ADCY8: variants seen among roughly 807,000 people sequenced by gnomAD.
ADCY8 encodes the protein adenylate cyclase 8.
ADCY8 carries 51 observed loss-of-function variants against 119.7 expected under a neutral mutation model. The observed-to-expected ratio is 0.43, with a 90% CI of 0.34 to 0.54. The LOEUF (loss-of-function observed/expected upper bound fraction) is 0.54. Ranked by LOEUF, ADCY8 falls within the 20% of genes least tolerant of loss-of-function variation. The probability of loss-of-function intolerance (pLI) is 0.03; values close to 1 mark genes in which losing one functional copy is unlikely to be tolerated. For missense variants in ADCY8, 1,383 were observed against 1,598.8 expected (o/e 0.87, Z 2.30); for synonymous variants, 665 against 651.0 (o/e 1.02, Z -0.33).
intron 1 of ADCY8, among the ~76,000 whole-genome samples, chr8:131,030,506 G>A (rs549633726): frequency 3.7e-4 from 57 of 152,290 alleles, no homozygotes; most frequent in African/African-American, 1.3e-3. Flanking sequence ...AAGAGTCCAA[G>A]TCTTGCATTT....
At position 130,943,440 on chromosome 8, in the gene ADCY8, C is replaced by T. The variant is rs2130640144; in HGVS notation, c.1264G>A (p.Gly422Arg). 7.7e-7 allele frequency: 1 copy of T among 1,304,598 alleles called. No individual in the cohort carries two copies. The highest frequency in any genetic ancestry group is 1.0e-6 in the Non-Finnish European group (1 of 972,760). 80.8% of individuals were successfully genotyped at this position (1,304,598 alleles called of 1,614,324 possible). Residue 422 changes from glycine (G) to arginine (R), a missense_variant, in exon 4 of 18, where the codon GGA becomes AGA. This residue lies in a region of ADCY8 where 928 missense variants were observed against 1,163.5 expected (regional missense o/e 0.80). Transcript: ENST00000286355. Reference protein sequence around the residue: ...NVSILFADVKGFTNLSTTLSA... With the variant: ...NVSILFADVKRFTNLSTTLSA... The stretch of plus-strand genomic sequence containing the variant: ...AAGGTCGTGGAGAGGTTGGTAAATC[C>T]TTTAACATCTGCAAAAAGAATACTA...
intron 12 of ADCY8, among the ~76,000 whole-genome samples, chr8:130,828,339 C>A (rs1266287283): frequency 6.6e-6 from 1 of 152,016 alleles, no homozygotes; most frequent in South Asian, 2.1e-4. Flanking sequence ...GGGTCCCCCC[C>A]ACCCACAGTG....
intron 7 of ADCY8, among the ~76,000 whole-genome samples, chr8:130,886,757 G>A (rs926904425): frequency 6.6e-6 from 1 of 152,030 alleles, no homozygotes; most frequent in Non-Finnish European, 1.5e-5. Flanking sequence ...ATCTCTCACT[G>A]TCTGATATTT....
In ADCY8 at chr8:130,927,108, A is replaced by G. The variant is rs143846011; in HGVS notation, c.1481+9965T>C. ...CAGATTTCATTTCCTTTGCATAACT[A>G]CTCAGTAGTGGAATTATTAGACATA... On this transcript the variant is annotated intron_variant, in intron 5 of 17. Transcript: ENST00000286355. 6.4e-3 allele frequency among the ~76,000 whole-genome samples: 970 copies of G among 152,178 alleles called. 9 individuals are homozygous for G. Among genetic ancestry groups the G allele is most frequent in the African/African-American group, 0.022 (931 of 41,496 alleles).
At chr8:130,843,639 T>C (rs1260254838) in intron 11 of ADCY8, among the ~76,000 whole-genome samples, 3 of 152,216 alleles carry the variant, frequency 2.0e-5, no homozygotes, top group Non-Finnish European at 4.4e-5. Context: ...TTGTTTTTAG[T>C]TATTTCAGAT....
At position 130,814,114 on chromosome 8, in the gene ADCY8, G is replaced by A. The variant is rs1250085743; in HGVS notation, c.2868C>T (p.Pro956=). ...HNENMLRNIL[P]SHVARHFLEK... ...CTAGGAAATGGCGGGCCACATGGCT[G>A]GGTAAGATATTCCGGAGCATGTTCT... The change falls in exon 14 of 18, where the codon CCC becomes CCT. Residue 956 remains proline, a synonymous_variant. Coordinates refer to ENST00000286355, the MANE Select transcript of ADCY8 (RefSeq NM_001115.3). The A allele has an allele frequency of 1.2e-6, 2 of 1,614,134 alleles. No individual in the cohort carries two copies. The highest frequency in any genetic ancestry group is 1.3e-5 in the African/African-American group (1 of 75,030).
chr8:130,900,975 AT>A (rs1377079001), intron 7 of ADCY8, among the ~76,000 whole-genome samples: 1 of 152,178 alleles, frequency 6.6e-6, no homozygotes, highest in African/African-American at 2.4e-5. Flanking sequence ...AGTACTGCTT[AT>A]TTTAGTTGGA....
intron 15 of ADCY8, among the ~76,000 whole-genome samples, chr8:130,799,013 T>C (rs1265674265): frequency 6.6e-6 from 1 of 151,978 alleles, no homozygotes; most frequent in African/African-American, 2.4e-5. Context: ...GAGGATATGA[T>C]GCTAAGTGAA....
At chr8:131,021,930 G>A (rs1823682300) in intron 1 of ADCY8, among the ~76,000 whole-genome samples, 1 of 152,092 alleles carries the variant, frequency 6.6e-6, no homozygotes, top group Non-Finnish European at 1.5e-5. Flanking sequence ...TCAAACATAT[G>A]CAAAAACAAT....
chr8:130,807,173 C>A (rs2664387), intron 14 of ADCY8, among the ~76,000 whole-genome samples: 14,209 of 152,192 alleles, frequency 0.093, 851 homozygotes, highest in South Asian at 0.24. Flanking sequence ...GGACTGACGT[C>A]CTCTCTGCCT....
intron 15 of ADCY8, among the ~76,000 whole-genome samples, chr8:130,799,964 T>C (rs1313834375): frequency 6.6e-6 from 1 of 152,220 alleles, no homozygotes; most frequent in Non-Finnish European, 1.5e-5. Context: ...ACTAGACTCA[T>C]GGAGCCTGGA....
chr8:130,817,479 T>C lies in ADCY8; in HGVS notation c.2755-3252A>G, dbSNP rs1380529093. Among the ~76,000 whole-genome samples, 7 of 152,220 alleles carry C rather than the reference T, an allele frequency of 4.6e-5. No individual in the cohort carries two copies. The East Asian group carries it at 1.3e-3, about 29-fold the overall frequency. ...TTTAGGTACTTTTAATTATGTCTTGTTTTAAGTAAATGACTTTATTGGAAG... is the reference window on the plus strand; with the variant it reads ...TTTAGGTACTTTTAATTATGTCTTGCTTTAAGTAAATGACTTTATTGGAAG... On this transcript the variant is annotated intron_variant, in intron 13 of 17. Coordinates refer to ENST00000286355, the MANE Select transcript of ADCY8 (RefSeq NM_001115.3).
At chr8:130,871,301 C>T (rs1159184453) in intron 8 of ADCY8, among the ~76,000 whole-genome samples, 2 of 152,154 alleles carry the variant, frequency 1.3e-5, no homozygotes, top group Non-Finnish European at 2.9e-5. Context: ...CCTCACCTGG[C>T]CCCACTTATC....
chr8:130,891,254 T>G (rs1819176239), intron 7 of ADCY8, among the ~76,000 whole-genome samples: 1 of 152,116 alleles, frequency 6.6e-6, no homozygotes, highest in Non-Finnish European at 1.5e-5. Flanking sequence ...CTTTCAGTTC[T>G]TATGAACTTC....
At chr8:130,937,042 C>A in intron 5 of ADCY8, 31 bp downstream of exon 5, 2 of 1,592,998 alleles carry the variant, frequency 1.3e-6, no homozygotes, top group Non-Finnish European at 1.7e-6. Context: ...ACATTGAAGA[C>A]CCAGGTAACA....
chr8:130,813,647 T>A (rs1816240941), intron 14 of ADCY8, among the ~76,000 whole-genome samples: 1 of 152,228 alleles, frequency 6.6e-6, no homozygotes, highest in African/African-American at 2.4e-5. Flanking sequence ...AGTGGACCCT[T>A]GGGGCTGCTT....
chr8:130,881,477 G>T (rs752602243), intron 8 of ADCY8, among the ~76,000 whole-genome samples: 1 of 152,106 alleles, frequency 6.6e-6, no homozygotes, highest in African/African-American at 2.4e-5. Flanking sequence ...TTGTTCAAAC[G>T]GAATAAAGCC....
chr8:130,820,185 T>A (rs1816464454), intron 13 of ADCY8, among the ~76,000 whole-genome samples: 1 of 152,194 alleles, frequency 6.6e-6, no homozygotes, highest in Non-Finnish European at 1.5e-5. Flanking sequence ...ATTATCTATT[T>A]TTTTCTTGAC....
chr8:130,909,328 T>G (rs1288174441), intron 6 of ADCY8, among the ~76,000 whole-genome samples: 1 of 152,236 alleles, frequency 6.6e-6, no homozygotes, highest in African/African-American at 2.4e-5. Flanking sequence ...TAGGTCTTAA[T>G]CCTGGCTGCC....
Sources: allele counts gnomAD v4.1 joint callset (sites outside exome capture counted in the v4.1 genomes callset), GRCh38; gene constraint gnomAD v4.1.1; regional missense constraint gnomAD v4.1.1; transcripts MANE v1.5; gene names NCBI Gene and HGNC (gene_info 2026-07-23, HGNC 2026-07-21).